Variants in PLXDC2 observed in about 807,000 individuals in gnomAD.
The protein encoded by PLXDC2 is plexin domain containing 2.
In PLXDC2, 40 loss-of-function variants were observed where a neutral mutation model predicts 68.9. That is an observed-to-expected ratio of 0.58 (90% CI 0.45 to 0.76). The LOEUF (loss-of-function observed/expected upper bound fraction) is 0.76. Ranked by LOEUF, PLXDC2 falls within the 30% of genes least tolerant of loss-of-function variation. The probability of loss-of-function intolerance (pLI) is 0.00; values close to 1 mark genes in which losing one functional copy is unlikely to be tolerated. For synonymous variants in PLXDC2, 243 were observed against 234.2 expected (o/e 1.04, Z -0.34); for missense variants, 644 against 661.9 (o/e 0.97, Z 0.30).
At chr10:20,054,883 A>G (rs1483003336) in intron 3 of PLXDC2, among the ~76,000 whole-genome samples, 4 of 152,258 alleles carry the variant, frequency 2.6e-5, no homozygotes, top group Non-Finnish European at 5.9e-5. Flanking sequence ...ATGGATGGAT[A>G]GATAGGTAAA....
At chr10:19,876,601 C>CAAAA (rs61268790) in intron 1 of PLXDC2, among the ~76,000 whole-genome samples, 45 of 63,940 alleles carry the variant, frequency 7.0e-4, no homozygotes, top group Middle Eastern at 0.013. Flanking sequence ...GATTCCATCT[C>CAAAA]AAAAAAAAAA....
chr10:20,114,478 G>A lies in PLXDC2; in HGVS notation c.542-28817G>A, dbSNP rs567042741. Among the ~76,000 whole-genome samples the A allele has an allele frequency of 2.6e-5, 4 of 152,326 alleles. No individual in the cohort carries two copies. In the South Asian group the frequency reaches 6.2e-4, roughly 24 times the overall value. ...TTATGGTCCCTGTCCTCTGGGGTCT[G>A]TAAGAGGTGGTGAGAGAGGGGAATA... On this transcript the variant is annotated intron_variant, in intron 4 of 13. Transcript: ENST00000377252.
chr10:20,233,136 T>C (rs939036581), intron 12 of PLXDC2, among the ~76,000 whole-genome samples: 4 of 152,060 alleles, frequency 2.6e-5, no homozygotes, highest in Non-Finnish European at 4.4e-5. Context: ...GCGAGTTGTA[T>C]AGTTGCACGA....
intron 3 of PLXDC2, among the ~76,000 whole-genome samples, chr10:20,053,062 T>G (rs1835932629): frequency 6.6e-6 from 1 of 152,170 alleles, no homozygotes. Context: ...AAGTTTTCCC[T>G]TTTCTTCCAT....
intron 1 of PLXDC2, among the ~76,000 whole-genome samples, chr10:19,870,685 C>G (rs1837518044): frequency 6.6e-6 from 1 of 152,150 alleles, no homozygotes; most frequent in Non-Finnish European, 1.5e-5. Context: ...CTTGGCCTCC[C>G]AAAGTGCTGG....
At chr10:19,840,850 T>C in intron 1 of PLXDC2, among the ~76,000 whole-genome samples, 1 of 152,180 alleles carries the variant, frequency 6.6e-6, no homozygotes, top group East Asian at 1.9e-4. Context: ...AAGCATTGAA[T>C]ATTACTGATT....
At chr10:19,841,985 A>T (rs1285609904) in intron 1 of PLXDC2, among the ~76,000 whole-genome samples, 1 of 152,106 alleles carries the variant, frequency 6.6e-6, no homozygotes, top group African/African-American at 2.4e-5. Context: ...CACATTAAAA[A>T]CCACTTGAGG....
In PLXDC2 at chr10:20,244,327, T is replaced by A. The variant is rs553640720; in HGVS notation, c.1313-1018T>A. Among the ~76,000 whole-genome samples, 26 of 152,308 alleles carry A rather than the reference T, an allele frequency of 1.7e-4. No individual in the cohort carries two copies. In the South Asian group the frequency reaches 5.2e-3, roughly 30 times the overall value. Reference sequence around the variant, plus strand: ...TTAGTTGTATTTGGCTGGTTGGCTTTGGTTAGGATAGTTATTACTTTATAA... The same window carrying A: ...TTAGTTGTATTTGGCTGGTTGGCTTAGGTTAGGATAGTTATTACTTTATAA... On this transcript the variant is annotated intron_variant, in intron 12 of 13. Coordinates refer to ENST00000377252, the MANE Select transcript of PLXDC2 (RefSeq NM_032812.9).
intron 12 of PLXDC2, among the ~76,000 whole-genome samples, chr10:20,237,583 T>G (rs1835450628): frequency 1.3e-5 from 2 of 152,232 alleles, no homozygotes; most frequent in Non-Finnish European, 2.9e-5. Flanking sequence ...CATTTGATTT[T>G]CTTTTGTTAC....
chr10:20,142,657 A>G (rs1029795476), intron 4 of PLXDC2, among the ~76,000 whole-genome samples: 2 of 152,078 alleles, frequency 1.3e-5, no homozygotes, highest in Non-Finnish European at 2.9e-5. Context: ...ATAGAGAGGC[A>G]TTTGTGCATT....
At chr10:19,919,995 C>A (rs892689552) in intron 1 of PLXDC2, among the ~76,000 whole-genome samples, 1 of 152,220 alleles carries the variant, frequency 6.6e-6, no homozygotes, top group Non-Finnish European at 1.5e-5. Context: ...CACCCCCAAA[C>A]ACACACTCAA....
chr10:20,022,460 G>A (rs1229864488), intron 2 of PLXDC2, among the ~76,000 whole-genome samples: 1 of 152,184 alleles, frequency 6.6e-6, no homozygotes, highest in African/African-American at 2.4e-5. Context: ...GAAAGGCTGA[G>A]GTCAGAACCC....
At chr10:20,032,840 C>T (rs946095481) in intron 2 of PLXDC2, among the ~76,000 whole-genome samples, 1 of 151,590 alleles carries the variant, frequency 6.6e-6, no homozygotes, top group Non-Finnish European at 1.5e-5. Flanking sequence ...ATGTGCCAAG[C>T]AGAGGACTTG....
At chr10:19,946,651 A>G (rs1392370991) in intron 1 of PLXDC2, among the ~76,000 whole-genome samples, 2 of 151,802 alleles carry the variant, frequency 1.3e-5, no homozygotes, top group Admixed American at 1.3e-4. Context: ...GGGGCGAGGG[A>G]GGGATGGTTT....
intron 4 of PLXDC2, among the ~76,000 whole-genome samples, chr10:20,134,352 A>G (rs1253940888): frequency 6.6e-6 from 1 of 152,170 alleles, no homozygotes; most frequent in Non-Finnish European, 1.5e-5. Context: ...TTCAGTCTTT[A>G]TGTACTGATG....
intron 1 of PLXDC2, among the ~76,000 whole-genome samples, chr10:19,829,778 G>C (rs1309099618): frequency 2.0e-5 from 3 of 151,922 alleles, no homozygotes; most frequent in Admixed American, 2.0e-4. Flanking sequence ...AGGTAGAGAT[G>C]GAGTGACTGC....
intron 1 of PLXDC2, among the ~76,000 whole-genome samples, chr10:19,967,321 G>T (rs116957159): frequency 6.6e-6 from 1 of 152,088 alleles, no homozygotes; most frequent in African/African-American, 2.4e-5. Context: ...CAGAAAGATG[G>T]TAACAGTATC....
chr10:19,879,497 T>A (rs985840897), intron 1 of PLXDC2, among the ~76,000 whole-genome samples: 1 of 152,196 alleles, frequency 6.6e-6, no homozygotes, highest in Non-Finnish European at 1.5e-5. Context: ...GCTCATTGTG[T>A]ACTAGACACT....
At chr10:20,113,151 G>A (rs888180013) in intron 4 of PLXDC2, among the ~76,000 whole-genome samples, 2 of 152,170 alleles carry the variant, frequency 1.3e-5, no homozygotes, top group Non-Finnish European at 2.9e-5. Flanking sequence ...AAAGTGCAAC[G>A]GCTTAATGCA....
Sources: gnomAD v4.1 joint callset for allele counts (sites outside exome capture counted in the v4.1 genomes callset) on GRCh38, gnomAD v4.1.1 for gene constraint, MANE v1.5 for transcripts, NCBI Gene and HGNC (gene_info 2026-07-23, HGNC 2026-07-21) for gene names.